The following AUTS2 variants were observed in gnomAD, a reference collection of about 807,000 sequenced individuals.
AUTS2 encodes activator of transcription and developmental regulator AUTS2, also known as autism susceptibility gene 2 protein.
In AUTS2, 17 loss-of-function variants were observed where a neutral mutation model predicts 112.4. That is an observed-to-expected ratio of 0.15 (90% CI 0.10 to 0.23). The LOEUF (loss-of-function observed/expected upper bound fraction) is 0.23, where lower values mean the gene tolerates loss of function less well. Among genes scored for constraint, AUTS2 ranks in the 10% least tolerant of loss-of-function variants. The pLI is 1.00. For synonymous variants in AUTS2, 751 were observed against 702.7 expected (o/e 1.07, Z -1.09); for missense variants, 1,510 against 1,701.6 (o/e 0.89, Z 1.98).
intron 4 of AUTS2, among the ~76,000 whole-genome samples, chr7:70,254,612 T>A (rs1786762567): frequency 6.6e-6 from 1 of 152,226 alleles, no homozygotes; most frequent in South Asian, 2.1e-4. Flanking sequence ...CATTCCTTTT[T>A]CGGGCAAATG....
At chr7:70,679,608 A>G (rs1233082474) in intron 5 of AUTS2, among the ~76,000 whole-genome samples, 1 of 152,058 alleles carries the variant, frequency 6.6e-6, no homozygotes, top group Non-Finnish European at 1.5e-5. Context: ...TGTTAAAAAA[A>G]AAAAAAAATC....
At position 70,673,711 on chromosome 7, in the gene AUTS2, GC is replaced by G. The variant is rs1237645979; in HGVS notation, c.691-24857del. On this transcript the variant is annotated intron_variant, in intron 5 of 18. Transcript: ENST00000342771. Reference sequence around the variant, plus strand: ...CTTTTGATCCTACCTGTTTCCCAGTGCTGGATTGTGAGCTCTCTGAGAGCAG... The same window carrying G: ...CTTTTGATCCTACCTGTTTCCCAGTGTGGATTGTGAGCTCTCTGAGAGCAG... Among the ~76,000 whole-genome samples the G allele has an allele frequency of 3.3e-5, 5 of 152,104 alleles. No homozygotes were observed. The South Asian group carries it at 8.3e-4, about 25-fold the overall frequency.
chr7:70,057,450 A>G (rs1426089338), intron 2 of AUTS2, among the ~76,000 whole-genome samples: 1 of 152,198 alleles, frequency 6.6e-6, no homozygotes, highest in Admixed American at 6.5e-5. Context: ...TTTTCTGGGT[A>G]ATTGTCAGCT....
chr7:70,066,532 C>T (rs919223088), intron 2 of AUTS2, among the ~76,000 whole-genome samples: 1 of 149,786 alleles, frequency 6.7e-6, no homozygotes, highest in South Asian at 2.1e-4. Context: ...AGATCTATAC[C>T]CAGTAAATTT....
chr7:69,686,994 T>C (rs1323928069), intron 1 of AUTS2, among the ~76,000 whole-genome samples: 1 of 152,198 alleles, frequency 6.6e-6, no homozygotes, highest in Non-Finnish European at 1.5e-5. Flanking sequence ...TTGTAAGTTA[T>C]TTAGAGACTA....
chr7:70,485,399 C>G (rs1467802474), intron 5 of AUTS2, among the ~76,000 whole-genome samples: 4 of 152,030 alleles, frequency 2.6e-5, no homozygotes, highest in Non-Finnish European at 5.9e-5. Flanking sequence ...ATGTTCTTAC[C>G]TATAAGTGGG....
At chr7:69,672,199 A>C (rs976645606) in intron 1 of AUTS2, among the ~76,000 whole-genome samples, 4 of 151,892 alleles carry the variant, frequency 2.6e-5, no homozygotes, top group African/African-American at 9.7e-5. Flanking sequence ...AGCTGAGATC[A>C]CAGGCATGCA....
chr7:70,301,924 T>A (rs1417540121), intron 4 of AUTS2, among the ~76,000 whole-genome samples: 1 of 143,974 alleles, frequency 6.9e-6, no homozygotes, highest in Non-Finnish European at 1.5e-5. Flanking sequence ...ATGCCTGTGT[T>A]TTGTTTTTTG....
intron 4 of AUTS2, among the ~76,000 whole-genome samples, chr7:70,251,925 ATTTGT>A (rs374367098): frequency 5.1e-4 from 77 of 152,184 alleles, no homozygotes; most frequent in African/African-American, 1.7e-3. Flanking sequence ...TTGATTTATA[ATTTGT>A]TTTTTCTCTC....
At chr7:70,292,066 T>G (rs1788732480) in intron 4 of AUTS2, 1 of 152,244 alleles carries the variant, frequency 6.6e-6, no homozygotes, top group African/African-American at 2.4e-5. Context: ...CTCATTGGAT[T>G]GATTTTGTGG....
At chr7:70,497,277 CCA>C (rs1798592209) in intron 5 of AUTS2, among the ~76,000 whole-genome samples, 1 of 135,888 alleles carries the variant, frequency 7.4e-6, no homozygotes, top group African/African-American at 2.7e-5. Context: ...CACACACCCC[CCA>C]CACACATGCA....
At chr7:70,744,830 C>T (rs6942467) in intron 6 of AUTS2, among the ~76,000 whole-genome samples, 20,511 of 151,992 alleles carry the variant, frequency 0.13, 1,491 homozygotes, top group African/African-American at 0.18. Context: ...GGAGCTTGTA[C>T]CTCTCTCATG....
At chr7:70,212,178 TGA>T (rs1036509333) in intron 4 of AUTS2, among the ~76,000 whole-genome samples, 2 of 152,232 alleles carry the variant, frequency 1.3e-5, no homozygotes, top group African/African-American at 4.8e-5. Context: ...TGAGCACTGC[TGA>T]GTGTTAACAA....
chr7:70,519,990 A>T (rs6954894), intron 5 of AUTS2, among the ~76,000 whole-genome samples: 212 of 152,310 alleles, frequency 1.4e-3, no homozygotes, highest in African/African-American at 4.9e-3. Context: ...TTAGTTCTTT[A>T]TATATTATAA....
intron 5 of AUTS2, among the ~76,000 whole-genome samples, chr7:70,605,332 G>A (rs1803674805): frequency 6.6e-6 from 1 of 152,074 alleles, no homozygotes; most frequent in Non-Finnish European, 1.5e-5. Context: ...TGAAATAATG[G>A]TCTGAAAACT....
At chr7:70,162,047 C>T (rs986205625) in intron 4 of AUTS2, among the ~76,000 whole-genome samples, 2 of 151,672 alleles carry the variant, frequency 1.3e-5, no homozygotes, top group Non-Finnish European at 2.9e-5. Flanking sequence ...AGCTTTATTC[C>T]AAGATCAGAT....
intron 1 of AUTS2, among the ~76,000 whole-genome samples, chr7:69,867,459 G>T (rs551654885): frequency 1.3e-5 from 2 of 152,300 alleles, no homozygotes; most frequent in East Asian, 1.9e-4. Flanking sequence ...AACTGCTCAC[G>T]TTCCTGAACT....
At chr7:70,188,425 G>C (rs937279864) in intron 4 of AUTS2, among the ~76,000 whole-genome samples, 1 of 151,970 alleles carries the variant, frequency 6.6e-6, no homozygotes, top group Non-Finnish European at 1.5e-5. Flanking sequence ...ATTTTCTCTC[G>C]TGTGTGAATA....
chr7:69,914,773 C>T (rs1182395239), intron 2 of AUTS2, among the ~76,000 whole-genome samples: 3 of 151,888 alleles, frequency 2.0e-5, no homozygotes, highest in Non-Finnish European at 2.9e-5. Context: ...GTGTGGGGCT[C>T]TACTTTTTTA....
Sources: allele counts gnomAD v4.1 joint callset (sites outside exome capture counted in the v4.1 genomes callset), GRCh38; gene constraint gnomAD v4.1.1; transcripts MANE v1.5; gene names NCBI Gene and HGNC (gene_info 2026-07-23, HGNC 2026-07-21).